The following GDA variants were observed in gnomAD, a reference collection of about 807,000 sequenced individuals.
GDA encodes the protein guanine deaminase.
GDA carries 18 observed loss-of-function variants against 59.6 expected under a neutral mutation model. The observed-to-expected ratio is 0.30, with a 90% CI of 0.21 to 0.45. The LOEUF (loss-of-function observed/expected upper bound fraction) is 0.45, where lower values mean the gene tolerates loss of function less well. Among genes scored for constraint, GDA ranks in the 20% least tolerant of loss-of-function variants. The pLI, the probability that GDA is intolerant of heterozygous loss-of-function variation, is 1.00. For missense variants in GDA, 427 were observed against 552.3 expected (o/e 0.77, Z 2.27); for synonymous variants, 201 against 201.1 (o/e 1.00, Z 0.00).
chr9:72,177,741 G>A (rs1830707753), intron 1 of GDA, among the ~76,000 whole-genome samples: 1 of 152,184 alleles, frequency 6.6e-6, no homozygotes, highest in Admixed American at 6.5e-5. Flanking sequence ...TGAGCTTTCA[G>A]TATTATAAAA....
chr9:72,116,753 A>G (rs905432554), intron 1 of GDA, among the ~76,000 whole-genome samples: 2 of 152,054 alleles, frequency 1.3e-5, no homozygotes, highest in East Asian at 3.8e-4. Context: ...AACTAAAAAT[A>G]TATTCATATC....
At position 72,225,767 on chromosome 9, in the gene GDA, A is replaced by G. The variant is rs1837477513; in HGVS notation, c.805A>G (p.Asn269Asp). 7.2e-7 allele frequency: 1 copy of G among 1,379,594 alleles called. No homozygotes were observed. The highest frequency in any genetic ancestry group is 1.0e-6 in the Non-Finnish European group (1 of 980,806). The allele number at this position is 1,379,594 out of a possible 1,614,324, so 85.5% of individuals were successfully genotyped here. The change falls in exon 8 of 14, where the codon AAT (asparagine) becomes GAT (aspartate). Residue 269 changes from asparagine (N) to aspartate (D), a missense_variant. Transcript: ENST00000358399. ...KNYTSVYDKN[N>D]LLTNKTVMAH... ...CTACACATCTGTGTATGATAAAAACAATCTTTTGACAAATAAGGTAAGTTT... is the reference window on the plus strand; with the variant it reads ...CTACACATCTGTGTATGATAAAAACGATCTTTTGACAAATAAGGTAAGTTT...
chr9:72,246,628 G>C (rs546124148), intron 12 of GDA, among the ~76,000 whole-genome samples: 1 of 152,066 alleles, frequency 6.6e-6, no homozygotes, highest in Non-Finnish European at 1.5e-5. Flanking sequence ...AGCAAGGCCT[G>C]CTTGTTCAGA....
chr9:72,247,525 T>C (rs1840280204), intron 13 of GDA, 92 bp downstream of exon 13: 2 of 711,306 alleles, frequency 2.8e-6, no homozygotes, highest in Non-Finnish European at 4.9e-6. Context: ...TCCTACCATA[T>C]ATTAAACTCT....
intron 1 of GDA, among the ~76,000 whole-genome samples, chr9:72,187,748 A>T (rs765356579): frequency 6.6e-6 from 1 of 152,216 alleles, no homozygotes. Flanking sequence ...AGAAGAGAAG[A>T]CTGGGGAAAG....
chr9:72,215,029 C>T (rs532093956), intron 5 of GDA, among the ~76,000 whole-genome samples: 28 of 152,180 alleles, frequency 1.8e-4, no homozygotes, highest in African/African-American at 5.8e-4. Flanking sequence ...CCACTGTGCC[C>T]GGCTCAAAGT....
chr9:72,218,679 T>C (rs1451859958), intron 5 of GDA, among the ~76,000 whole-genome samples: 1 of 152,204 alleles, frequency 6.6e-6, no homozygotes, highest in East Asian at 1.9e-4. Flanking sequence ...TCTGCTTTAC[T>C]CCAAGGTTCA....
intron 1 of GDA, among the ~76,000 whole-genome samples, chr9:72,178,492 A>C (rs1359498662): frequency 4.9e-5 from 7 of 141,894 alleles, no homozygotes; most frequent in African/African-American, 1.9e-4. Flanking sequence ...ATCTCGGCTC[A>C]CTGCAACCTC....
At chr9:72,242,562 G>A (rs567047609) in intron 11 of GDA, among the ~76,000 whole-genome samples, 2 of 152,170 alleles carry the variant, frequency 1.3e-5, no homozygotes, top group African/African-American at 4.8e-5. Context: ...AAGGATGACC[G>A]AAGCCAAGAT....
At chr9:72,239,452 A>G (rs1839369250) in intron 10 of GDA, among the ~76,000 whole-genome samples, 1 of 152,136 alleles carries the variant, frequency 6.6e-6, no homozygotes, top group Non-Finnish European at 1.5e-5. Context: ...TTATTTTTAA[A>G]ACTGCAGGTA....
At chr9:72,214,122 G>T in intron 5 of GDA, 131 bp downstream of exon 5, 1 of 611,244 alleles carries the variant, frequency 1.6e-6, no homozygotes. Context: ...GACTCAGAAT[G>T]TTCTGTTTAA....
chr9:72,137,780 C>A (rs988667868), intron 1 of GDA, among the ~76,000 whole-genome samples: 1 of 151,550 alleles, frequency 6.6e-6, no homozygotes, highest in African/African-American at 2.4e-5. Flanking sequence ...CACCCCCCCA[C>A]CTTCAACTGT....
chr9:72,180,876 C>T (rs962859184), intron 1 of GDA, among the ~76,000 whole-genome samples: 1 of 152,108 alleles, frequency 6.6e-6, no homozygotes, highest in Non-Finnish European at 1.5e-5. Flanking sequence ...TATCAAAACA[C>T]GGGACTGATT....
intron 2 of GDA, among the ~76,000 whole-genome samples, chr9:72,200,798 A>G (rs1833893731): frequency 6.6e-6 from 1 of 152,188 alleles, no homozygotes; most frequent in African/African-American, 2.4e-5. Context: ...TGCCTTCTTG[A>G]CGTCCTTAAA....
At chr9:72,142,829 C>T (rs1358901966) in intron 1 of GDA, among the ~76,000 whole-genome samples, 1 of 151,714 alleles carries the variant, frequency 6.6e-6, no homozygotes, top group Admixed American at 6.6e-5. Flanking sequence ...AGTGCAATGG[C>T]GCGATCTTGG....
At chr9:72,213,224 C>T (rs185867821) in intron 4 of GDA, among the ~76,000 whole-genome samples, 33 of 152,176 alleles carry the variant, frequency 2.2e-4, no homozygotes, top group Admixed American at 8.5e-4. Context: ...GCCCAGATCA[C>T]GCCACTGCAC....
chr9:72,238,236 G>T (rs1380651636), intron 10 of GDA, among the ~76,000 whole-genome samples: 2 of 152,064 alleles, frequency 1.3e-5, no homozygotes, highest in Non-Finnish European at 2.9e-5. Flanking sequence ...TCTCTCAAAA[G>T]TCCTGTATGC....
At chr9:72,218,194 G>A (rs143697285) in intron 5 of GDA, among the ~76,000 whole-genome samples, 1 of 152,156 alleles carries the variant, frequency 6.6e-6, no homozygotes, top group Non-Finnish European at 1.5e-5. Context: ...GATTACAGGC[G>A]TGAGCCACTG....
intron 1 of GDA, among the ~76,000 whole-genome samples, chr9:72,118,588 A>T (rs1223293064): frequency 6.6e-6 from 1 of 152,232 alleles, no homozygotes; most frequent in Non-Finnish European, 1.5e-5. Flanking sequence ...AAACAATTGC[A>T]CAGATTTTTA....
Sources: gnomAD v4.1 joint callset for allele counts (sites outside exome capture counted in the v4.1 genomes callset) on GRCh38, gnomAD v4.1.1 for gene constraint, MANE v1.5 for transcripts, NCBI Gene and HGNC (gene_info 2026-07-23, HGNC 2026-07-21) for gene names.